The following B3GALT1 variants were observed in gnomAD, a reference collection of about 807,000 sequenced individuals.
B3GALT1 encodes beta-1,3-galactosyltransferase 1.
B3GALT1 carries 10 observed loss-of-function variants against 23.2 expected under a neutral mutation model. That is an observed-to-expected ratio of 0.43 (90% confidence interval 0.27 to 0.73). The LOEUF (loss-of-function observed/expected upper bound fraction) is 0.73, where lower values mean the gene tolerates loss of function less well. Among genes scored for constraint, B3GALT1 ranks in the 30% least tolerant of loss-of-function variants. The pLI is 0.21. For missense variants in B3GALT1, 299 were observed against 405.4 expected (o/e 0.74, Z 2.25); for synonymous variants, 156 against 141.5 (o/e 1.10, Z -0.73).
At chr2:167,358,394 A>G (rs1476300828) in intron 1 of B3GALT1, among the ~76,000 whole-genome samples, 1 of 152,208 alleles carries the variant, frequency 6.6e-6, no homozygotes, top group Admixed American at 6.5e-5. Flanking sequence ...GCCTAATGGT[A>G]AAGCATCAGG....
intron 2 of B3GALT1, among the ~76,000 whole-genome samples, chr2:167,624,962 G>A (rs1465083079): frequency 6.6e-6 from 1 of 151,910 alleles, no homozygotes; most frequent in Non-Finnish European, 1.5e-5. Context: ...TCAGCCTAAA[G>A]TATTTACTAT....
intron 2 of B3GALT1, among the ~76,000 whole-genome samples, chr2:167,620,156 A>G (rs779282443): frequency 2.0e-5 from 3 of 152,086 alleles, no homozygotes; most frequent in Non-Finnish European, 2.9e-5. Context: ...TGTGTGTAGG[A>G]GAGAAAGAGG....
chr2:167,511,956 C>A (rs1700011095), intron 2 of B3GALT1, among the ~76,000 whole-genome samples: 2 of 152,096 alleles, frequency 1.3e-5, no homozygotes, highest in Non-Finnish European at 2.9e-5. Flanking sequence ...ATACAAAAGA[C>A]AAAGTCCCTT....
At chr2:167,802,036 T>G (rs565192473) in intron 3 of B3GALT1, among the ~76,000 whole-genome samples, 22 of 152,150 alleles carry the variant, frequency 1.4e-4, no homozygotes, top group Middle Eastern at 3.2e-3. Context: ...CTTCACATGT[T>G]TGGAGGCAGG....
chr2:167,740,147 A>G (rs1687557817), intron 3 of B3GALT1, among the ~76,000 whole-genome samples: 1 of 150,746 alleles, frequency 6.6e-6, no homozygotes, highest in East Asian at 1.9e-4. Context: ...AATAGAAAAG[A>G]AATTCTACTA....
chr2:167,827,653 C>A (rs565723292), intron 4 of B3GALT1, among the ~76,000 whole-genome samples: 3 of 152,162 alleles, frequency 2.0e-5, no homozygotes. Context: ...TTTCTGATGG[C>A]GTGTTTGCAT....
intron 1 of B3GALT1, among the ~76,000 whole-genome samples, chr2:167,369,655 A>G (rs1291723013): frequency 1.3e-5 from 2 of 152,170 alleles, no homozygotes; most frequent in African/African-American, 4.8e-5. Context: ...ATTGGAGTAC[A>G]TTAAGTGGGG....
chr2:167,756,588 A>G (rs1287439945), intron 3 of B3GALT1, among the ~76,000 whole-genome samples: 1 of 152,170 alleles, frequency 6.6e-6, no homozygotes, highest in Non-Finnish European at 1.5e-5. Flanking sequence ...TACCCGGGGA[A>G]TGGAATTTGA....
intron 2 of B3GALT1, among the ~76,000 whole-genome samples, chr2:167,496,355 AG>A (rs1206366490): frequency 2.0e-5 from 3 of 152,152 alleles, no homozygotes; most frequent in African/African-American, 7.2e-5. Flanking sequence ...GTTAATGAGA[AG>A]ATAAATTTGG....
At chr2:167,402,265 G>A (rs190253662) in intron 1 of B3GALT1, among the ~76,000 whole-genome samples, 68 of 152,132 alleles carry the variant, frequency 4.5e-4, no homozygotes, top group African/African-American at 1.5e-3. Flanking sequence ...AAAAATAATA[G>A]CGTGTCATCA....
chr2:167,604,616 A>C (rs10173991), intron 2 of B3GALT1, among the ~76,000 whole-genome samples: 68 of 152,296 alleles, frequency 4.5e-4, no homozygotes, highest in African/African-American at 1.5e-3. Flanking sequence ...GAAATCTAAA[A>C]GGAGTGTCCC....
chr2:167,484,472 A>G (rs1018637011), intron 1 of B3GALT1, among the ~76,000 whole-genome samples: 1 of 152,332 alleles, frequency 6.6e-6, no homozygotes, highest in African/African-American at 2.4e-5. Flanking sequence ...GCGTCAATCA[A>G]TACTATGAGT....
intron 2 of B3GALT1, among the ~76,000 whole-genome samples, chr2:167,550,807 G>C (rs1020030326): frequency 1.3e-5 from 2 of 152,200 alleles, no homozygotes; most frequent in African/African-American, 4.8e-5. Flanking sequence ...TTTAGTTTTT[G>C]AATGGTAGAG....
intron 3 of B3GALT1, among the ~76,000 whole-genome samples, chr2:167,746,200 CATG>C (rs10579851): frequency 0.082 from 12,511 of 152,134 alleles, 1,091 homozygotes; most frequent in African/African-American, 0.19. Flanking sequence ...CTATAAAATT[CATG>C]CTGTGCAACT....
At position 167,478,633 on chromosome 2, in the gene B3GALT1, T is replaced by C. The variant is rs75887054; in HGVS notation, c.-510-11544T>C. Among the ~76,000 whole-genome samples the C allele has an allele frequency of 7.4e-4, 112 of 152,062 alleles. No individual in the cohort carries two copies. The East Asian group carries it at 0.02, about 27-fold the overall frequency. On this transcript the variant is annotated intron_variant, in intron 1 of 4. Transcript: ENST00000392690. Reference sequence around the variant, plus strand: ...GCACAACGTGCAGGTTTGTTACATATGTATACATGTGCCATGTTGGTGTGC... The same window carrying C: ...GCACAACGTGCAGGTTTGTTACATACGTATACATGTGCCATGTTGGTGTGC...
At chr2:167,812,091 A>AAAAC (rs2105353512) in intron 3 of B3GALT1, among the ~76,000 whole-genome samples, 1 of 152,386 alleles carries the variant, frequency 6.6e-6, no homozygotes, top group East Asian at 1.9e-4. Flanking sequence ...AAGCAAAAGC[A>AAAAC]AAACAACTGC....
At chr2:167,854,863 A>G (rs563033332) in intron 4 of B3GALT1, among the ~76,000 whole-genome samples, 181 of 152,306 alleles carry the variant, frequency 1.2e-3, no homozygotes, top group Non-Finnish European at 1.7e-3. Context: ...TTCTGATGCC[A>G]TCTCTTAAGT....
intron 4 of B3GALT1, among the ~76,000 whole-genome samples, chr2:167,834,790 A>T (rs1689424680): frequency 6.6e-6 from 1 of 152,236 alleles, no homozygotes; most frequent in Middle Eastern, 3.4e-3. Flanking sequence ...TGGAGGTTGC[A>T]GTGAGCCAAG....
At chr2:167,804,995 C>A (rs1361278347) in intron 3 of B3GALT1, among the ~76,000 whole-genome samples, 1 of 152,178 alleles carries the variant, frequency 6.6e-6, no homozygotes, top group East Asian at 1.9e-4. Context: ...CCTGTTGTTT[C>A]CTGACTTTTT....
Sources: allele counts gnomAD v4.1 joint callset (sites outside exome capture counted in the v4.1 genomes callset), GRCh38; gene constraint gnomAD v4.1.1; transcripts MANE v1.5; gene names NCBI Gene and HGNC (gene_info 2026-07-23, HGNC 2026-07-21).